ACACA: variants seen among roughly 807,000 people sequenced by gnomAD.
The protein encoded by ACACA is acetyl-CoA carboxylase alpha, also known as acetyl-CoA carboxylase 1.
ACACA carries 103 observed loss-of-function variants against 296.1 expected under a neutral mutation model. The ratio of observed to expected loss-of-function variants is 0.35; its 90% CI spans 0.30 to 0.41. The LOEUF (loss-of-function observed/expected upper bound fraction) is 0.41, where lower values mean the gene tolerates loss of function less well. Ranked by LOEUF, ACACA falls within the 10% of genes least tolerant of loss-of-function variation. ACACA has a pLI of 1.00. For synonymous variants in ACACA, 953 were observed against 1,038.6 expected (o/e 0.92, Z 1.58); for missense variants, 1,554 against 2,989.7 (o/e 0.52, Z 11.20).
At chr17:37,338,896 C>A (rs1314817289) in intron 2 of ACACA, among the ~76,000 whole-genome samples, 1 of 148,772 alleles carries the variant, frequency 6.7e-6, no homozygotes, top group East Asian at 2.0e-4. Context: ...GCCGAGATTG[C>A]GCCACTGCAC....
At chr17:37,157,531 C>CTTTTTTTTTT (rs397687787) in intron 42 of ACACA, among the ~76,000 whole-genome samples, 10 of 90,484 alleles carry the variant, frequency 1.1e-4, no homozygotes, top group African/African-American at 1.8e-4. Flanking sequence ...ATCATTCTAT[C>CTTTTTTTTTT]TTTTTTTTTT....
chr17:37,096,716 C>T (rs2073014125), intron 54 of ACACA, among the ~76,000 whole-genome samples: 1 of 152,164 alleles, frequency 6.6e-6, no homozygotes, highest in African/African-American at 2.4e-5. Context: ...CACTGCCATG[C>T]CCCCAGAAGC....
rs767413869 is a variant in ACACA at position 37,221,840 on chromosome 17, C to A, written c.3567G>T (p.Val1189=). The A allele has an allele frequency of 1.2e-5, 19 of 1,610,202 alleles. No individual in the cohort carries two copies. The highest frequency in any genetic ancestry group is 6.7e-5 in the Admixed American group (4 of 59,982). ...NQVVRMAALE[V]YVRRAYIAYE... Reference sequence around the variant, plus strand: ...AGGCAATATAAGCCCTTCGAACATACACCTGGTTCAAAAGAAACCCTCAGT... The same window carrying A: ...AGGCAATATAAGCCCTTCGAACATAAACCTGGTTCAAAAGAAACCCTCAGT... Residue 1189 remains valine, a splice_region_variant and synonymous_variant, in exon 29 of 56, where the codon GTG becomes GTT. Transcript: ENST00000616317.
chr17:37,356,737 A>C (rs1399849758), intron 1 of ACACA, among the ~76,000 whole-genome samples: 1 of 151,998 alleles, frequency 6.6e-6, no homozygotes. Context: ...TTTTTTTCTG[A>C]ATTACAAAAG....
At chr17:37,278,354 C>A (rs1225733472) in intron 5 of ACACA, among the ~76,000 whole-genome samples, 1 of 152,126 alleles carries the variant, frequency 6.6e-6, no homozygotes, top group Non-Finnish European at 1.5e-5. Flanking sequence ...AAGTTCTAGT[C>A]CTGACATCCT....
At chr17:37,116,899 A>T (rs2074283142) in intron 50 of ACACA, among the ~76,000 whole-genome samples, 1 of 152,266 alleles carries the variant, frequency 6.6e-6, no homozygotes, top group South Asian at 2.1e-4. Flanking sequence ...AAAGCTATGC[A>T]CGTGCTGTCA....
rs753815072 is a variant in ACACA, at chr17:37,240,512, G to A, written c.3085C>T (p.Arg1029Trp). 3.1e-6 allele frequency: 5 copies of A among 1,613,712 alleles called. No individual in the cohort carries two copies. In the South Asian group the frequency reaches 4.4e-5, roughly 14 times the overall value. The part of the protein sequence containing the change: ...HMKAVVMDLL[R>W]QYLRVETQFQ... The stretch of plus-strand genomic sequence containing the variant: ...TGTGTCTCTACTCGCAGGTACTGCC[G>A]GAGCAGATCCATCACCACAGCCTTC... Residue 1029 changes from arginine (R) to tryptophan (W), a missense_variant, in exon 24 of 56, where the codon CGG becomes TGG. By Grantham distance (101) the Arg-to-Trp change is moderately radical. Transcript: ENST00000616317.
chr17:37,126,905 A>T (rs1597897703), intron 47 of ACACA, among the ~76,000 whole-genome samples: 1 of 152,340 alleles, frequency 6.6e-6, no homozygotes, highest in Middle Eastern at 3.4e-3. Flanking sequence ...ATCTCCTCTA[A>T]TAAATGACTT....
At chr17:37,209,188 A>G (rs2078642113) in intron 30 of ACACA, among the ~76,000 whole-genome samples, 1 of 152,190 alleles carries the variant, frequency 6.6e-6, no homozygotes, top group Non-Finnish European at 1.5e-5. Flanking sequence ...TGAAACACAC[A>G]TCAAGCAAGT....
intron 3 of ACACA, among the ~76,000 whole-genome samples, chr17:37,311,810 T>C (rs943530405): frequency 4.0e-5 from 6 of 149,122 alleles, no homozygotes; most frequent in Non-Finnish European, 8.9e-5. Flanking sequence ...AGGTGGAGTT[T>C]GCAGTGAGCC....
At chr17:37,344,344 G>A (rs2048519286) in intron 1 of ACACA, among the ~76,000 whole-genome samples, 1 of 151,940 alleles carries the variant, frequency 6.6e-6, no homozygotes, top group South Asian at 2.1e-4. Flanking sequence ...GATTGCTTGA[G>A]GTCAGGAGTT....
chr17:37,299,383 A>G (rs752038432), intron 3 of ACACA: 1 of 1,613,480 alleles, frequency 6.2e-7, no homozygotes, highest in Non-Finnish European at 8.5e-7. Context: ...CGGCCTTGTA[A>G]ACACAAGCCG....
At chr17:37,361,758 A>C (rs1326675722) in intron 1 of ACACA, among the ~76,000 whole-genome samples, 1 of 152,212 alleles carries the variant, frequency 6.6e-6, no homozygotes, top group African/African-American at 2.4e-5. Context: ...GAGCTGCTCC[A>C]TGAGTTATTG....
At chr17:37,177,269 C>CGT (rs112439511) in intron 41 of ACACA, among the ~76,000 whole-genome samples, 23,494 of 146,358 alleles carry the variant, frequency 0.16, 1,826 homozygotes, top group Non-Finnish European at 0.19. Context: ...TTAAAAAATT[C>CGT]GTGTGTGTGT....
intron 33 of ACACA, among the ~76,000 whole-genome samples, chr17:37,202,696 T>C (rs1290198717): frequency 1.1e-4 from 2 of 18,104 alleles, no homozygotes; most frequent in Non-Finnish European, 1.9e-4. Flanking sequence ...TATATATATA[T>C]ATATATATAT....
In ACACA at chr17:37,128,023, T is replaced by TAAAAAAAAAAAAAAAAAA. The variant is rs2074890198; in HGVS notation, c.5944+1341_5944+1342insTTTTTTTTTTTTTTTTTT. 3.5e-4 allele frequency among the ~76,000 whole-genome samples: 8 copies of TAAAAAAAAAAAAAAAAAA among 22,558 alleles called. 1 individual carries two copies. Among genetic ancestry groups the TAAAAAAAAAAAAAAAAAA allele is most frequent in the East Asian group, 1.8e-3 (2 of 1,092 alleles). The allele number at this position is 22,558 out of a possible 152,430, so 14.8% of individuals were successfully genotyped here. On this transcript the variant is annotated intron_variant, in intron 47 of 55. Transcript: ENST00000616317. ...TGGAGGACAAGAGTGAAACTCCATC[T>TAAAAAAAAAAAAAAAAAA]CAAAAAAAAAAAAAAAAAAAAAAAA...
chr17:37,156,053 CTTTTT>C (rs60787242), intron 42 of ACACA, among the ~76,000 whole-genome samples: 1 of 94,006 alleles, frequency 1.1e-5, no homozygotes, highest in African/African-American at 4.4e-5. Context: ...TTCTTTCTTT[CTTTTT>C]TTTTTTTTTT....
chr17:37,120,049 C>A (rs1486118493), intron 50 of ACACA, among the ~76,000 whole-genome samples: 1 of 151,382 alleles, frequency 6.6e-6, no homozygotes, highest in Non-Finnish European at 1.5e-5. Flanking sequence ...ATGCACCACC[C>A]CATCTGGCTA....
At chr17:37,278,990 C>T (rs564348875) in intron 5 of ACACA, among the ~76,000 whole-genome samples, 1 of 151,906 alleles carries the variant, frequency 6.6e-6, no homozygotes, top group Non-Finnish European at 1.5e-5. Flanking sequence ...GGTATTAAGC[C>T]CCACATGCAC....
Sources: gnomAD v4.1 joint callset for allele counts (sites outside exome capture counted in the v4.1 genomes callset) on GRCh38, gnomAD v4.1.1 for gene constraint, MANE v1.5 for transcripts, NCBI Gene and HGNC (gene_info 2026-07-23, HGNC 2026-07-21) for gene names.